Variants in ZBTB44 observed in about 807,000 individuals in gnomAD.
The protein encoded by ZBTB44 is zinc finger and BTB domain-containing protein 44.
ZBTB44 carries 15 observed loss-of-function variants against 54.0 expected under a neutral mutation model. That is an observed-to-expected ratio of 0.28 (90% CI 0.19 to 0.43). The LOEUF (loss-of-function observed/expected upper bound fraction) is 0.43, where lower values mean the gene tolerates loss of function less well. Among genes scored for constraint, ZBTB44 ranks in the 20% least tolerant of loss-of-function variants. The pLI is 1.00. For missense variants in ZBTB44, 487 were observed against 707.1 expected (o/e 0.69, Z 3.53); for synonymous variants, 230 against 250.1 (o/e 0.92, Z 0.76).
chr11:130,256,982 T>C (rs1938491676), intron 2 of ZBTB44, among the ~76,000 whole-genome samples: 1 of 152,048 alleles, frequency 6.6e-6, no homozygotes, highest in African/African-American at 2.4e-5. Context: ...GAAGGTCAAA[T>C]TGTCTCTGTT....
chr11:130,303,340 A>G (rs1942083781), intron 1 of ZBTB44, among the ~76,000 whole-genome samples: 1 of 152,214 alleles, frequency 6.6e-6, no homozygotes, highest in South Asian at 2.1e-4. Flanking sequence ...TCAGCATTAA[A>G]AAATACATAC....
intron 1 of ZBTB44, among the ~76,000 whole-genome samples, chr11:130,307,261 A>G (rs1432856169): frequency 6.6e-6 from 1 of 151,820 alleles, no homozygotes; most frequent in Non-Finnish European, 1.5e-5. Context: ...CGTCTCTACT[A>G]AAAATACAAA....
intron 1 of ZBTB44, among the ~76,000 whole-genome samples, chr11:130,303,893 T>A (rs989954506): frequency 2.6e-5 from 4 of 152,176 alleles, no homozygotes; most frequent in African/African-American, 9.7e-5. Flanking sequence ...CATTTCACTC[T>A]TGCAAGACAG....
intron 1 of ZBTB44, among the ~76,000 whole-genome samples, chr11:130,277,830 C>T (rs1169821320): frequency 6.6e-6 from 1 of 151,970 alleles, no homozygotes. Flanking sequence ...TTATCTAGGA[C>T]AGTCTTTATT....
At chr11:130,281,604 G>C (rs547865186) in intron 1 of ZBTB44, among the ~76,000 whole-genome samples, 3 of 151,484 alleles carry the variant, frequency 2.0e-5, no homozygotes, top group Admixed American at 6.6e-5. Flanking sequence ...TGTTTTTTGG[G>C]GGGGGGATGG....
chr11:130,271,980 T>C (rs972147266), intron 1 of ZBTB44, among the ~76,000 whole-genome samples: 1 of 151,970 alleles, frequency 6.6e-6, no homozygotes, highest in Non-Finnish European at 1.5e-5. Flanking sequence ...TCTGTAATCC[T>C]AGCACTTTGG....
intron 2 of ZBTB44, among the ~76,000 whole-genome samples, chr11:130,257,933 T>G (rs897338207): frequency 2.6e-5 from 4 of 152,214 alleles, no homozygotes; most frequent in African/African-American, 9.6e-5. Context: ...GGAATCTCAC[T>G]TATCTTTTCT....
chr11:130,277,087 T>G (rs922018909), intron 1 of ZBTB44, among the ~76,000 whole-genome samples: 2 of 152,224 alleles, frequency 1.3e-5, no homozygotes, highest in Non-Finnish European at 2.9e-5. Context: ...TTTATAAACT[T>G]AGTCTGACAA....
intron 1 of ZBTB44, among the ~76,000 whole-genome samples, chr11:130,264,359 G>A (rs1252457440): frequency 6.6e-6 from 1 of 152,122 alleles, no homozygotes; most frequent in African/African-American, 2.4e-5. Flanking sequence ...GAGAAAGAAA[G>A]AAAAAGGAGG....
intron 2 of ZBTB44, among the ~76,000 whole-genome samples, chr11:130,252,177 GA>G (rs1399461921): frequency 6.6e-6 from 1 of 152,206 alleles, no homozygotes; most frequent in African/African-American, 2.4e-5. Context: ...AAAAGACAAA[GA>G]AGGGCATTAT....
rs1953873272 is a variant in ZBTB44 at position 130,231,446 on chromosome 11, T to TTG, written c.*317_*318insCA. ...TCAGATTTCCCATAAAACTTGGCAA[T>TTG]GTGTATTACCAGTGAAAATCTAAAG... On this transcript the variant is annotated 3_prime_UTR_variant, in exon 8 of 8. Transcript: ENST00000357899. 2 of 152,128 alleles carry TTG rather than the reference T, an allele frequency of 1.3e-5. No individual in the cohort carries two copies. Among genetic ancestry groups the TTG allele is most frequent in the African/African-American group, 4.8e-5 (2 of 41,434 alleles). The allele number at this position is 152,128 out of a possible 1,614,324, so 9.4% of individuals were successfully genotyped here.
At chr11:130,257,736 A>C (rs1379887902) in intron 2 of ZBTB44, among the ~76,000 whole-genome samples, 1 of 152,238 alleles carries the variant, frequency 6.6e-6, no homozygotes, top group Non-Finnish European at 1.5e-5. Context: ...AGAAACTAAC[A>C]AAGTTAATAT....
At chr11:130,280,570 A>G (rs1269731254) in intron 1 of ZBTB44, among the ~76,000 whole-genome samples, 1 of 152,228 alleles carries the variant, frequency 6.6e-6, no homozygotes, top group Non-Finnish European at 1.5e-5. Context: ...ACATAACACC[A>G]TCAACCAACT....
chr11:130,293,212 A>G (rs1411373461), intron 1 of ZBTB44, among the ~76,000 whole-genome samples: 1 of 152,004 alleles, frequency 6.6e-6, no homozygotes, highest in Admixed American at 6.6e-5. Flanking sequence ...ATATAATCCC[A>G]GCACTTTGGG....
At chr11:130,293,689 G>C (rs1941451163) in intron 1 of ZBTB44, among the ~76,000 whole-genome samples, 1 of 151,554 alleles carries the variant, frequency 6.6e-6, no homozygotes, top group Non-Finnish European at 1.5e-5. Flanking sequence ...TCAGCTACTT[G>C]GGAGGTTGAG....
chr11:130,247,013 A>G (rs746548381), intron 2 of ZBTB44, among the ~76,000 whole-genome samples: 5 of 152,208 alleles, frequency 3.3e-5, no homozygotes, highest in African/African-American at 7.2e-5. Flanking sequence ...AAGATATTCA[A>G]TAACAGAATT....
At chr11:130,296,502 CA>C in intron 1 of ZBTB44, 1 of 936,956 alleles carries the variant, frequency 1.1e-6, no homozygotes, top group Non-Finnish European at 1.7e-6. Context: ...GATGTGGTGG[CA>C]AGAGGACTGG....
intron 1 of ZBTB44, among the ~76,000 whole-genome samples, chr11:130,281,602 G>GT (rs1323012272): frequency 2.9e-5 from 4 of 139,220 alleles, no homozygotes; most frequent in African/African-American, 8.9e-5. Context: ...GTTGTTTTTT[G>GT]GGGGGGGGAT....
chr11:130,300,110 C>A (rs1941910163), intron 1 of ZBTB44, among the ~76,000 whole-genome samples: 1 of 152,158 alleles, frequency 6.6e-6, no homozygotes, highest in African/African-American at 2.4e-5. Context: ...AGAGGACACT[C>A]AAATTCAGAG....
Sources: gnomAD v4.1 joint callset for allele counts (sites outside exome capture counted in the v4.1 genomes callset) on GRCh38, gnomAD v4.1.1 for gene constraint, MANE v1.5 for transcripts, NCBI Gene and HGNC (gene_info 2026-07-23, HGNC 2026-07-21) for gene names.